Variants in LCORL observed in about 807,000 individuals in gnomAD.
The protein encoded by LCORL is ligand dependent nuclear receptor corepressor like.
In LCORL, 41 loss-of-function variants were observed where a neutral mutation model predicts 141.8. The observed-to-expected ratio is 0.29, with a 90% confidence interval of 0.23 to 0.38. LCORL has a LOEUF of 0.38. LCORL is among the 10% of genes least tolerant of loss of function. LCORL has a pLI of 1.00. For missense variants in LCORL, 1,759 were observed against 2,035.0 expected, an observed-to-expected ratio of 0.86 and a Z score of 2.61; for synonymous variants, 618 against 694.1, an observed-to-expected ratio of 0.89 and a Z score of 1.72.
rs532685905 is a variant in LCORL, at chr4:17,966,037, C to A, written c.221-2988G>T. ...ATTGGTCTGAGGGAAAGATACTAAT[C>A]CTTAGGCAATACAACTAAAAACTGA... On this transcript the variant is annotated intron_variant, in intron 2 of 7. Coordinates refer to ENST00000635767, the Ensembl canonical transcript of LCORL. 3.9e-5 allele frequency among the ~76,000 whole-genome samples: 6 copies of A among 152,084 alleles called. No individual in the cohort carries two copies. The South Asian group carries it at 1.2e-3, about 32-fold the overall frequency.
intron 4 of LCORL, among the ~76,000 whole-genome samples, chr4:17,950,297 G>C (rs538378243): frequency 1.4e-4 from 21 of 152,066 alleles, no homozygotes; most frequent in Non-Finnish European, 2.9e-4. Context: ...TCTTAAACAA[G>C]GCACTTCTGA....
chr4:17,880,518 T>C (rs776867256), intron 6 of LCORL: 3 of 955,686 alleles, frequency 3.1e-6, no homozygotes, highest in Non-Finnish European at 3.7e-6. Flanking sequence ...TGTTGGAATA[T>C]TTCTTCAGAA....
chr4:17,892,144 C>T (rs970798428), intron 5 of LCORL, among the ~76,000 whole-genome samples: 3 of 151,760 alleles, frequency 2.0e-5, no homozygotes, highest in African/African-American at 7.3e-5. Flanking sequence ...CACATTATTC[C>T]AGCCTTAGGA....
chr4:17,898,163 T>TA (rs938583422), intron 5 of LCORL, among the ~76,000 whole-genome samples: 21 of 151,948 alleles, frequency 1.4e-4, no homozygotes, highest in East Asian at 1.4e-3. Context: ...CTAGTATTAC[T>TA]AAAAAAAAGG....
At chr4:17,895,057 G>A (rs1045031662) in intron 5 of LCORL, among the ~76,000 whole-genome samples, 5 of 149,566 alleles carry the variant, frequency 3.3e-5, no homozygotes, top group African/African-American at 1.2e-4. Context: ...AAGTTTTATT[G>A]GTTTGAATTG....
chr4:17,903,567 AG>A (rs906958888), intron 5 of LCORL, among the ~76,000 whole-genome samples: 3 of 152,116 alleles, frequency 2.0e-5, no homozygotes, highest in Non-Finnish European at 4.4e-5. Context: ...AGGACAAAAA[AG>A]AATCCTGGGT....
intron 4 of LCORL, among the ~76,000 whole-genome samples, chr4:17,914,497 T>C (rs1733076933): frequency 6.6e-6 from 1 of 152,192 alleles, no homozygotes; most frequent in Non-Finnish European, 1.5e-5. Flanking sequence ...CCCTTTATAC[T>C]ATATTGTGGA....
chr4:17,887,872 C>G (rs972998854), intron 5 of LCORL, among the ~76,000 whole-genome samples: 7 of 152,054 alleles, frequency 4.6e-5, no homozygotes, highest in African/African-American at 1.7e-4. Context: ...AATTGGTTTC[C>G]TCTGCCTAGA....
intron 2 of LCORL, among the ~76,000 whole-genome samples, chr4:17,965,737 AG>A (rs967707221): frequency 1.1e-4 from 16 of 152,120 alleles, no homozygotes; most frequent in Admixed American, 6.6e-5. Context: ...CTTGAGTTTC[AG>A]ATTCTTTGTT....
chr4:17,972,853 G>T, exon 2 of LCORL: 1 of 1,437,430 alleles, frequency 7.0e-7, no homozygotes, highest in East Asian at 2.7e-5. Flanking sequence ...CGTAGCCGTG[G>T]TCCATAAAGC....
At chr4:17,900,211 CAG>C (rs1354215684) in intron 5 of LCORL, among the ~76,000 whole-genome samples, 1 of 151,936 alleles carries the variant, frequency 6.6e-6, no homozygotes, top group Non-Finnish European at 1.5e-5. Flanking sequence ...CTTTACAAAA[CAG>C]AAAAAAGAAA....
At chr4:17,857,280 G>C (rs1419300750) in intron 7 of LCORL, among the ~76,000 whole-genome samples, 1 of 152,108 alleles carries the variant, frequency 6.6e-6, no homozygotes, top group Non-Finnish European at 1.5e-5. Flanking sequence ...GGGGAGAAAG[G>C]AGAGAGAAGG....
chr4:17,927,919 C>T (rs1049306922), intron 4 of LCORL, among the ~76,000 whole-genome samples: 1 of 151,942 alleles, frequency 6.6e-6, no homozygotes, highest in African/African-American at 2.4e-5. Flanking sequence ...TGCTACGCAC[C>T]TTCAATTTGT....
At chr4:17,933,430 ACT>A (rs896409239) in intron 4 of LCORL, among the ~76,000 whole-genome samples, 2 of 151,742 alleles carry the variant, frequency 1.3e-5, no homozygotes, top group South Asian at 2.1e-4. Context: ...TTCTCCAAAG[ACT>A]CTATATTTTC....
intron 4 of LCORL, among the ~76,000 whole-genome samples, chr4:17,952,013 G>T (rs1739799795): frequency 6.6e-6 from 1 of 152,128 alleles, no homozygotes; most frequent in South Asian, 2.1e-4. Context: ...TCATTAAAAA[G>T]CCTTATTTAA....
intron 7 of LCORL, among the ~76,000 whole-genome samples, chr4:17,865,887 C>G (rs1187090361): frequency 6.6e-6 from 1 of 152,076 alleles, no homozygotes; most frequent in Admixed American, 6.6e-5. Context: ...TGCCCTACAC[C>G]CTTCCTTCTT....
intron 1 of LCORL, among the ~76,000 whole-genome samples, chr4:18,005,727 C>G (rs1047863532): frequency 9.2e-5 from 14 of 152,204 alleles, no homozygotes; most frequent in African/African-American, 3.4e-4. Context: ...GGCCCGAGCT[C>G]TATGTTGGCC....
chr4:17,877,472 A>AGAATAAGAGTTACTG (rs1187087831), exon 7 of LCORL: 121 of 1,229,428 alleles, frequency 9.8e-5, no homozygotes, highest in Non-Finnish European at 1.2e-4. Flanking sequence ...TTGAGAGTAA[A>AGAATAAGAGTTACTG]GAATAAGAGT....
chr4:17,913,867 A>G (rs1349994739), intron 4 of LCORL, among the ~76,000 whole-genome samples: 1 of 152,244 alleles, frequency 6.6e-6, no homozygotes, highest in Non-Finnish European at 1.5e-5. Flanking sequence ...TCTTTCCAGT[A>G]TGGACTAAAT....
Sources: allele counts gnomAD v4.1 joint callset (sites outside exome capture counted in the v4.1 genomes callset), GRCh38; gene constraint gnomAD v4.1.1; transcripts MANE v1.5; gene names NCBI Gene and HGNC (gene_info 2026-07-23, HGNC 2026-07-21).